Variants in ERBB4 observed in about 807,000 individuals in gnomAD.
ERBB4 encodes the protein receptor tyrosine-protein kinase erbB-4.
Under a neutral mutation model 158.0 loss-of-function variants are expected in ERBB4, and 42 were observed. The ratio of observed to expected loss-of-function variants is 0.27; its 90% CI spans 0.21 to 0.34. The LOEUF (loss-of-function observed/expected upper bound fraction) is 0.34. Among genes scored for constraint, ERBB4 ranks in the 10% least tolerant of loss-of-function variants. The pLI is 1.00. For missense variants in ERBB4, 1,333 were observed against 1,624.1 expected (o/e 0.82, Z 3.08); for synonymous variants, 583 against 558.7 (o/e 1.04, Z -0.61).
Position 211,597,487 on chromosome 2 carries a change from A to G in ERBB4, c.2301+21690T>C, listed in dbSNP as rs562964981. Among the ~76,000 whole-genome samples, 308 of 152,266 alleles carry G rather than the reference A, an allele frequency of 2.0e-3. 2 individuals carry two copies. The highest frequency in any genetic ancestry group is 7.1e-3 in the African/African-American group (294 of 41,564). On this transcript the variant is annotated intron_variant, in intron 19 of 27. Transcript: ENST00000342788. ...CTATTTGATAAAATAATGTTTTCCTATATTGAAACACAGCTGTCCAAAATT... is the reference window on the plus strand; with the variant it reads ...CTATTTGATAAAATAATGTTTTCCTGTATTGAAACACAGCTGTCCAAAATT...
At chr2:211,867,725 G>T (rs1005315125) in intron 3 of ERBB4, among the ~76,000 whole-genome samples, 4 of 152,042 alleles carry the variant, frequency 2.6e-5, no homozygotes, top group African/African-American at 9.7e-5. Flanking sequence ...TCCATGCCTG[G>T]CTTTGAGTAT....
At chr2:211,861,241 T>C (rs1341628290) in intron 3 of ERBB4, among the ~76,000 whole-genome samples, 2 of 134,892 alleles carry the variant, frequency 1.5e-5, no homozygotes, top group Non-Finnish European at 3.1e-5. Context: ...TATGGCTCAC[T>C]GCAGCCTCCA....
chr2:212,142,097 C>A lies in ERBB4; in HGVS notation c.83-17194G>T, dbSNP rs75646108. 6.6e-3 allele frequency among the ~76,000 whole-genome samples: 1,008 copies of A among 152,234 alleles called. 7 individuals are homozygous for A. Among genetic ancestry groups the A allele is most frequent in the Middle Eastern group, 0.024 (7 of 294 alleles). On this transcript the variant is annotated intron_variant, in intron 1 of 27. Transcript: ENST00000342788. ...TCTTTGAACACTGCTATAAAAGTTT[C>A]AAAATGCTGATTATCAATTTATGGA...
chr2:212,338,483 A>G (rs1288294434), intron 1 of ERBB4, among the ~76,000 whole-genome samples: 2 of 152,160 alleles, frequency 1.3e-5, no homozygotes, highest in African/African-American at 4.8e-5. Flanking sequence ...GATGAAAAAT[A>G]ATAGTTCAAA....
chr2:212,009,245 G>A (rs1481462311), intron 2 of ERBB4, among the ~76,000 whole-genome samples: 1 of 151,952 alleles, frequency 6.6e-6, no homozygotes, highest in East Asian at 1.9e-4. Flanking sequence ...AGTTAAGGAT[G>A]TTAAGATGAA....
chr2:212,249,320 T>C (rs2084432524), intron 1 of ERBB4, among the ~76,000 whole-genome samples: 1 of 151,786 alleles, frequency 6.6e-6, no homozygotes, highest in African/African-American at 2.4e-5. Flanking sequence ...TGTGTGTATG[T>C]TTTTATATAA....
intron 1 of ERBB4, among the ~76,000 whole-genome samples, chr2:212,530,078 C>T (rs114396409): frequency 0.04 from 6,065 of 152,104 alleles, 170 homozygotes; most frequent in Middle Eastern, 0.065. Flanking sequence ...AGAATAAAAA[C>T]TAAGATAATA....
intron 2 of ERBB4, among the ~76,000 whole-genome samples, chr2:212,015,063 T>A (rs1451702712): frequency 0.016 from 7 of 430 alleles, no homozygotes; most frequent in Non-Finnish European, 0.074. Flanking sequence ...TATATATATA[T>A]ATATATATAT....
chr2:211,913,617 ATATG>A lies in ERBB4; in HGVS notation c.421+33809_421+33812del, dbSNP rs1156700558. On this transcript the variant is annotated intron_variant, in intron 3 of 27. Coordinates refer to ENST00000342788, the MANE Select transcript of ERBB4 (RefSeq NM_005235.3). ...CTCTATTTCAAAAAAATATATATATATATGTGTGTGTGTGTGTGTGTGTGTGTGT... is the reference window on the plus strand; with the variant it reads ...CTCTATTTCAAAAAAATATATATATATGTGTGTGTGTGTGTGTGTGTGTGT... Among the ~76,000 whole-genome samples, 484 of 118,476 alleles carry A rather than the reference ATATG, an allele frequency of 4.1e-3. 3 individuals carry two copies. The highest frequency in any genetic ancestry group is 0.035 in the Middle Eastern group (9 of 260). The allele number at this position is 118,476 out of a possible 152,430, so 77.7% of individuals were successfully genotyped here.
chr2:212,476,461 C>T (rs1689409504), intron 1 of ERBB4, among the ~76,000 whole-genome samples: 1 of 152,054 alleles, frequency 6.6e-6, no homozygotes, highest in Non-Finnish European at 1.5e-5. Context: ...AAATATTATT[C>T]TCTCTACCCT....
intron 3 of ERBB4, among the ~76,000 whole-genome samples, chr2:211,824,724 T>A (rs2077059940): frequency 6.6e-6 from 1 of 151,902 alleles, no homozygotes; most frequent in African/African-American, 2.4e-5. Context: ...TAAGACTTAA[T>A]AATTAAAAAG....
In ERBB4 at chr2:211,457,334, T is replaced by A. The variant is rs573440289; in HGVS notation, c.2488-26234A>T. Among the ~76,000 whole-genome samples, 3 of 152,364 alleles carry A rather than the reference T, an allele frequency of 2.0e-5. No homozygotes were observed. The South Asian group carries it at 6.2e-4, about 32-fold the overall frequency. On this transcript the variant is annotated intron_variant, in intron 20 of 27. Transcript: ENST00000342788. ...TTTCCCCTTCAGTGTAATAGATATA[T>A]TTATGCTCTATAAACTAAATTCCTC...
chr2:212,344,628 T>C (rs1362433448), intron 1 of ERBB4, among the ~76,000 whole-genome samples: 1 of 152,150 alleles, frequency 6.6e-6, no homozygotes, highest in Non-Finnish European at 1.5e-5. Context: ...GTTTTTTCTT[T>C]TCTATCAATG....
chr2:211,883,344 G>A (rs1302033640), intron 3 of ERBB4, among the ~76,000 whole-genome samples: 1 of 152,008 alleles, frequency 6.6e-6, no homozygotes, highest in African/African-American at 2.4e-5. Context: ...TATACCTAAT[G>A]TAAATGACAA....
At chr2:212,052,767 TA>T (rs1343686374) in intron 2 of ERBB4, among the ~76,000 whole-genome samples, 1 of 152,188 alleles carries the variant, frequency 6.6e-6, no homozygotes, top group Non-Finnish European at 1.5e-5. Context: ...CCTCATTCAT[TA>T]TTACTACTCC....
chr2:212,370,199 A>G (rs915073320), intron 1 of ERBB4, among the ~76,000 whole-genome samples: 9 of 152,120 alleles, frequency 5.9e-5, no homozygotes, highest in African/African-American at 1.9e-4. Flanking sequence ...TCATGGCTAT[A>G]TAAGGGGCTT....
At chr2:212,388,645 G>A (rs1391343971) in intron 1 of ERBB4, among the ~76,000 whole-genome samples, 2 of 152,042 alleles carry the variant, frequency 1.3e-5, no homozygotes, top group Non-Finnish European at 2.9e-5. Context: ...GAACCTAGAA[G>A]CAGAAGAAAT....
chr2:211,937,030 A>T (rs1251458620), intron 3 of ERBB4, among the ~76,000 whole-genome samples: 1 of 152,230 alleles, frequency 6.6e-6, no homozygotes, highest in East Asian at 1.9e-4. Flanking sequence ...AATAAGAGGT[A>T]TATTGAACTT....
intron 9 of ERBB4, among the ~76,000 whole-genome samples, chr2:211,706,358 C>T (rs976205105): frequency 5.9e-5 from 9 of 152,158 alleles, no homozygotes; most frequent in Non-Finnish European, 1.2e-4. Context: ...CCACTATATG[C>T]AGCCTTAATA....
Sources: gnomAD v4.1 joint callset for allele counts (sites outside exome capture counted in the v4.1 genomes callset) on GRCh38, gnomAD v4.1.1 for gene constraint, MANE v1.5 for transcripts, NCBI Gene and HGNC (gene_info 2026-07-23, HGNC 2026-07-21) for gene names.